USP25: variants seen among roughly 807,000 people sequenced by gnomAD.
USP25 encodes the protein ubiquitin specific peptidase 25, also known as ubiquitin carboxyl-terminal hydrolase 25.
A neutral mutation model predicts 158.5 loss-of-function variants in USP25; 85 were observed. The observed-to-expected ratio is 0.54, with a 90% CI of 0.45 to 0.64. The LOEUF (loss-of-function observed/expected upper bound fraction) is 0.64, where lower values mean the gene tolerates loss of function less well. Ranked by LOEUF, USP25 falls within the 30% of genes least tolerant of loss-of-function variation. USP25 has a pLI of 0.00. For synonymous variants in USP25, 464 were observed against 460.4 expected (o/e 1.01, Z -0.10); for missense variants, 1,242 against 1,327.3 (o/e 0.94, Z 1.00).
chr21:15,758,716 C>T (rs1188799503), intron 1 of USP25, among the ~76,000 whole-genome samples: 2 of 152,136 alleles, frequency 1.3e-5, no homozygotes, highest in African/African-American at 4.8e-5. Flanking sequence ...GCCTGACAAT[C>T]ATGGCAGAAG....
In USP25 at chr21:15,752,493, C is replaced by T. The variant is rs193253798; in HGVS notation, c.46-10398C>T. On this transcript the variant is annotated intron_variant, in intron 1 of 25. Transcript: ENST00000400183. Reference sequence around the variant, plus strand: ...CCTCCCAAAGTGCTGGGATTACAGGCGTGAGCCACTGCACCTGGCCCAGAT... The same window carrying T: ...CCTCCCAAAGTGCTGGGATTACAGGTGTGAGCCACTGCACCTGGCCCAGAT... Among the ~76,000 whole-genome samples, 784 of 152,292 alleles carry T rather than the reference C, an allele frequency of 5.1e-3. 9 individuals are homozygous for T. Among genetic ancestry groups the T allele is most frequent in the African/African-American group, 0.018 (735 of 41,556 alleles).
In USP25 at chr21:15,740,641, G is replaced by GTT. The variant is rs60616271; in HGVS notation, c.45+10235_45+10236dup. 7.0e-3 allele frequency among the ~76,000 whole-genome samples: 289 copies of GTT among 41,224 alleles called. 7 individuals carry two copies. Among genetic ancestry groups the GTT allele is most frequent in the Non-Finnish European group, 0.012 (155 of 13,462 alleles). The allele number at this position is 41,224 out of a possible 152,430, so 27.0% of individuals were successfully genotyped here. A position where few individuals can be genotyped will look rare whatever the true frequency, so the allele number is the denominator to read the frequency against. ...GTAATCTTCCTGTTTCTTTCTGGCT[G>GTT]TTTTTTTTTTTTTTTTTTTTTTTTT... On this transcript the variant is annotated intron_variant, in intron 1 of 25. Coordinates refer to ENST00000400183, the MANE Select transcript of USP25 (RefSeq NM_001283041.3).
intron 21 of USP25, 30 bp downstream of exon 21, chr21:15,864,476 C>G: frequency 1.3e-6 from 2 of 1,530,630 alleles, no homozygotes; most frequent in Non-Finnish European, 1.8e-6. Flanking sequence ...TTCATATGCT[C>G]AAATCGTTCT....
chr21:15,849,517 C>G lies in USP25; in HGVS notation c.2452-260C>G, dbSNP rs149895623. Among the ~76,000 whole-genome samples the G allele has an allele frequency of 9.1e-4, 138 of 152,240 alleles. 1 individual carries two copies. Among genetic ancestry groups the G allele is most frequent in the African/African-American group, 3.2e-3 (134 of 41,542 alleles). Reference sequence around the variant, plus strand: ...TAGCACATTTTTCTAATTTGTTTGTCTAGAAGCAGGGTGCCTTTTTCAAAT... The same window carrying G: ...TAGCACATTTTTCTAATTTGTTTGTGTAGAAGCAGGGTGCCTTTTTCAAAT... On this transcript the variant is annotated intron_variant, in intron 19 of 25. Transcript: ENST00000400183.
chr21:15,760,824 C>T (rs1000274194), intron 1 of USP25, among the ~76,000 whole-genome samples: 1 of 152,240 alleles, frequency 6.6e-6, no homozygotes. Context: ...TTAAATTCTT[C>T]AGGATATATT....
rs573223799 is a variant in USP25 at position 15,742,148 on chromosome 21, A to G, written c.45+11710A>G. 6.6e-5 allele frequency among the ~76,000 whole-genome samples: 10 copies of G among 151,588 alleles called. No individual in the cohort carries two copies. The South Asian group carries it at 1.0e-3, about 16-fold the overall frequency. On this transcript the variant is annotated intron_variant, in intron 1 of 25. Transcript: ENST00000400183. The stretch of plus-strand genomic sequence containing the variant: ...AACAGTTTTTTATCTGTCTGAAGAC[A>G]GGGAAGAAGAGGAATCTGAATTGGA...
At chr21:15,752,690 T>C (rs2033111272) in intron 1 of USP25, among the ~76,000 whole-genome samples, 1 of 152,226 alleles carries the variant, frequency 6.6e-6, no homozygotes. Context: ...CATTTCTTTT[T>C]TCTGGATTGC....
At chr21:15,836,943 G>A (rs1283014469) in intron 17 of USP25, among the ~76,000 whole-genome samples, 4 of 146,166 alleles carry the variant, frequency 2.7e-5, no homozygotes, top group Non-Finnish European at 6.0e-5. Context: ...GAGTAGGGGA[G>A]CAAACTTACC....
chr21:15,834,880 G>A (rs2037987517), intron 17 of USP25, among the ~76,000 whole-genome samples: 1 of 152,216 alleles, frequency 6.6e-6, no homozygotes, highest in African/African-American at 2.4e-5. Flanking sequence ...CGTAGAGCAG[G>A]TGAAGCTATG....
At chr21:15,741,481 C>G (rs2032052550) in intron 1 of USP25, among the ~76,000 whole-genome samples, 1 of 152,040 alleles carries the variant, frequency 6.6e-6, no homozygotes, top group Non-Finnish European at 1.5e-5. Flanking sequence ...TTCAGGTGGT[C>G]TACATTTTTG....
Position 15,827,201 on chromosome 21 carries a change from G to A in USP25, c.1691G>A (p.Arg564Lys). The A allele has an allele frequency of 6.2e-7, 1 of 1,613,212 alleles. No individual in the cohort carries two copies. The highest frequency in any genetic ancestry group is 8.5e-7 in the Non-Finnish European group (1 of 1,179,256). The change falls in exon 14 of 26, where the codon AGA becomes AAA. Residue 564 changes from arginine (R) to lysine (K), a missense_variant and splice_region_variant. Transcript: ENST00000400183. ...RWRTEIENDT[R>K]DLQESISRIH... ...AGGACAGAAATAGAAAATGACACCA[G>A]AGGTAAGAAGTGTCTCATAGCATGG...
At chr21:15,865,666 A>G (rs1253936501) in intron 21 of USP25, among the ~76,000 whole-genome samples, 2 of 152,156 alleles carry the variant, frequency 1.3e-5, no homozygotes, top group East Asian at 3.8e-4. Context: ...TTTGGAGAAG[A>G]TATTAATGGA....
chr21:15,877,619 T>G (rs1302703454), intron 24 of USP25, 177 bp from the exon 25 acceptor site: 1 of 499,786 alleles, frequency 2.0e-6, no homozygotes, highest in Non-Finnish European at 3.4e-6. Context: ...TATGCATAGC[T>G]TTTTCTAAAG....
chr21:15,802,612 C>T (rs1185707643), intron 6 of USP25, among the ~76,000 whole-genome samples: 3 of 151,430 alleles, frequency 2.0e-5, no homozygotes, highest in African/African-American at 4.8e-5. Context: ...AAAATTAAAA[C>T]ATGACATATC....
intron 8 of USP25, 102 bp downstream of exon 8, chr21:15,808,987 A>G (rs986174099): frequency 2.4e-6 from 2 of 826,728 alleles, no homozygotes; most frequent in African/African-American, 3.5e-5. Flanking sequence ...ACTTATGGGA[A>G]TCCCAGTATT....
At chr21:15,872,227 G>T (rs762346457) in intron 23 of USP25, among the ~76,000 whole-genome samples, 34 of 152,088 alleles carry the variant, frequency 2.2e-4, no homozygotes, top group Middle Eastern at 3.4e-3. Context: ...TAATTTTATA[G>T]AGTGTACCAG....
At chr21:15,806,850 A>G (rs1222942876) in intron 7 of USP25, among the ~76,000 whole-genome samples, 1 of 152,068 alleles carries the variant, frequency 6.6e-6, no homozygotes. Flanking sequence ...CAAATACATC[A>G]TCTTTTGAAG....
At chr21:15,768,779 C>T (rs1241973160) in intron 3 of USP25, among the ~76,000 whole-genome samples, 1 of 152,072 alleles carries the variant, frequency 6.6e-6, no homozygotes, top group Non-Finnish European at 1.5e-5. Flanking sequence ...ACCACAGTTT[C>T]ACTTAATTCT....
chr21:15,733,820 C>T (rs1384695687), intron 1 of USP25, among the ~76,000 whole-genome samples: 4 of 151,964 alleles, frequency 2.6e-5, no homozygotes, highest in Non-Finnish European at 5.9e-5. Context: ...CCAGCCTGGG[C>T]GACAGAGCAA....
Sources: gnomAD v4.1 joint callset for allele counts (sites outside exome capture counted in the v4.1 genomes callset) on GRCh38, gnomAD v4.1.1 for gene constraint, MANE v1.5 for transcripts, NCBI Gene and HGNC (gene_info 2026-07-23, HGNC 2026-07-21) for gene names.